Variants in EFHC1 observed in about 807,000 individuals in gnomAD.
The protein encoded by EFHC1 is EF-hand domain-containing protein 1.
In EFHC1, 53 loss-of-function variants were observed where a neutral mutation model predicts 69.9. That is an observed-to-expected ratio of 0.76 (90% confidence interval 0.61 to 0.95). The LOEUF (loss-of-function observed/expected upper bound fraction) is 0.95, where lower values mean the gene tolerates loss of function less well. EFHC1 is among the 40% of genes least tolerant of loss of function. The probability of loss-of-function intolerance (pLI) is 0.00; values close to 1 mark genes in which losing one functional copy is unlikely to be tolerated. For synonymous variants in EFHC1, 256 were observed against 278.4 expected (o/e 0.92, Z 0.80); for missense variants, 739 against 798.7 (o/e 0.93, Z 0.90).
intron 5 of EFHC1, among the ~76,000 whole-genome samples, chr6:52,458,419 A>G (rs1471198948): frequency 1.3e-5 from 2 of 152,238 alleles, no homozygotes; most frequent in Non-Finnish European, 2.9e-5. Flanking sequence ...ACAAATGTCT[A>G]ATATCCAGAA....
In EFHC1 at chr6:52,493,664, AAAG is replaced by A; in HGVS notation, c.*1324_*1326del. 1 of 453,546 alleles carries A rather than the reference AAAG, an allele frequency of 2.2e-6. No homozygotes were observed. Among genetic ancestry groups the A allele is most frequent in the East Asian group, 7.0e-5 (1 of 14,362 alleles). 28.1% of individuals were successfully genotyped at this position (453,546 alleles called of 1,614,324 possible). A position where few individuals can be genotyped will look rare whatever the true frequency, so the allele number is the denominator to read the frequency against. The stretch of plus-strand genomic sequence containing the variant: ...GAGCAAGACTCCATCTCAAAAAAAA[AAAG>A]GTTAGAAAAATGCTGCTTTTAGAGA... On this transcript the variant is annotated 3_prime_UTR_variant, in exon 11 of 11. Coordinates refer to ENST00000371068, the MANE Select transcript of EFHC1 (RefSeq NM_018100.4).
At chr6:52,457,230 A>G (rs967044600) in intron 5 of EFHC1, among the ~76,000 whole-genome samples, 1 of 152,248 alleles carries the variant, frequency 6.6e-6, no homozygotes, top group Non-Finnish European at 1.5e-5. Context: ...AAGTAATAAC[A>G]TGAGTATACC....
In EFHC1 at chr6:52,420,390, G is replaced by A. The variant is rs942990341; in HGVS notation, c.-21G>A. 6.2e-7 allele frequency: 1 copy of A among 1,614,248 alleles called. No homozygotes were observed. Among genetic ancestry groups the A allele is most frequent in the Non-Finnish European group, 8.5e-7 (1 of 1,180,032 alleles). ...GAGAGGACGAAGCAGGACCTAGGTG[G>A]CGGCGGTGGTACCGGCTGCAATGGT... On this transcript the variant is annotated 5_prime_UTR_variant, in exon 1 of 11. Coordinates refer to ENST00000371068, the MANE Select transcript of EFHC1 (RefSeq NM_018100.4).
At chr6:52,423,843 G>A in intron 1 of EFHC1, 103 bp from the exon 2 acceptor site, 1 of 1,550,134 alleles carries the variant, frequency 6.5e-7, no homozygotes, top group Admixed American at 1.9e-5. Context: ...GTTTTGTGAT[G>A]CTTATAAGCA....
At chr6:52,422,762 T>A (rs1472947586) in intron 1 of EFHC1, among the ~76,000 whole-genome samples, 1 of 152,162 alleles carries the variant, frequency 6.6e-6, no homozygotes, top group Non-Finnish European at 1.5e-5. Context: ...AATAAAAATG[T>A]GTTCATTGTA....
At chr6:52,453,566 GTTA>G (rs1764966231) in intron 4 of EFHC1, 44 of 1,254,418 alleles carry the variant, frequency 3.5e-5, no homozygotes, top group Non-Finnish European at 4.5e-5. Flanking sequence ...TCATATATCT[GTTA>G]TTATTTTGTA....
At chr6:52,428,183 T>TA (rs1469837533) in intron 2 of EFHC1, 2 of 152,184 alleles carry the variant, frequency 1.3e-5, no homozygotes, top group Non-Finnish European at 2.9e-5. Context: ...CCCACTACTT[T>TA]AAAAACAATT....
chr6:52,449,306 A>G (rs1252039820), intron 3 of EFHC1, among the ~76,000 whole-genome samples: 1 of 151,564 alleles, frequency 6.6e-6, no homozygotes, highest in Non-Finnish European at 1.5e-5. Flanking sequence ...GCGTGAACCC[A>G]GGAGACAGAG....
chr6:52,443,863 A>C (rs1037103049), intron 3 of EFHC1, among the ~76,000 whole-genome samples: 2 of 152,222 alleles, frequency 1.3e-5, no homozygotes, highest in African/African-American at 4.8e-5. Flanking sequence ...CATTGAGTCT[A>C]TAAATTACCT....
At chr6:52,492,210 A>G in intron 10 of EFHC1, 60 bp from the exon 11 acceptor site, 1 of 1,451,932 alleles carries the variant, frequency 6.9e-7, no homozygotes, top group South Asian at 1.1e-5. Context: ...CGCACTCTGC[A>G]GTTGAGCTGA....
chr6:52,469,263 A>T, intron 6 of EFHC1, 70 bp from the exon 7 acceptor site: 2 of 1,588,068 alleles, frequency 1.3e-6, no homozygotes, highest in Non-Finnish European at 1.7e-6. Context: ...CTTTAAACTT[A>T]TAGTTACCTT....
chr6:52,478,654 C>T (rs1468748647), intron 7 of EFHC1, among the ~76,000 whole-genome samples: 1 of 152,130 alleles, frequency 6.6e-6, no homozygotes, highest in African/African-American at 2.4e-5. Context: ...GAATGTAGCC[C>T]ACATATATGT....
Position 52,493,268 on chromosome 6 carries a change from G to T in EFHC1, c.*927G>T. On this transcript the variant is annotated 3_prime_UTR_variant, in exon 11 of 11. Coordinates refer to ENST00000371068, the MANE Select transcript of EFHC1 (RefSeq NM_018100.4). ...GGAATTATACCTTTAGCTCTCCTGG[G>T]TCTCCAGCTTGCCAATTTACCCTGC... 1 of 451,956 alleles carries T rather than the reference G, an allele frequency of 2.2e-6. No homozygotes were observed. The highest frequency in any genetic ancestry group is 4.4e-6 in the Non-Finnish European group (1 of 226,320). The allele number at this position is 451,956 out of a possible 1,614,324, so 28.0% of individuals were successfully genotyped here. A position where few individuals can be genotyped will look rare whatever the true frequency, so the allele number is the denominator to read the frequency against.
At chr6:52,454,506 C>G (rs1764996788) in intron 5 of EFHC1, among the ~76,000 whole-genome samples, 1 of 152,014 alleles carries the variant, frequency 6.6e-6, no homozygotes, top group South Asian at 2.1e-4. Flanking sequence ...GAAACAAAAC[C>G]AAAACAACAG....
intron 3 of EFHC1, 83 bp downstream of exon 3, chr6:52,438,674 G>A (rs1287885523): frequency 2.7e-6 from 4 of 1,459,238 alleles, no homozygotes; most frequent in African/African-American, 2.8e-5. Context: ...ATTAGGGTAA[G>A]GGGAGGACAT....
At chr6:52,468,152 C>T (rs1206147579) in intron 6 of EFHC1, among the ~76,000 whole-genome samples, 1 of 152,176 alleles carries the variant, frequency 6.6e-6, no homozygotes, top group Non-Finnish European at 1.5e-5. Flanking sequence ...ACTAGGAGAG[C>T]TAATCTGCTA....
intron 5 of EFHC1, among the ~76,000 whole-genome samples, chr6:52,456,335 A>G (rs1489664121): frequency 1.3e-5 from 2 of 152,196 alleles, no homozygotes; most frequent in Non-Finnish European, 2.9e-5. Flanking sequence ...TTGGCCTTTC[A>G]GAATGCTTAA....
intron 10 of EFHC1, chr6:52,490,892 C>G: frequency 6.2e-6 from 1 of 161,018 alleles, no homozygotes; most frequent in Admixed American, 5.9e-5. Context: ...CATGCCTTTT[C>G]TTCATTATAA....
At chr6:52,461,249 G>A (rs1431316010) in intron 5 of EFHC1, among the ~76,000 whole-genome samples, 1 of 152,030 alleles carries the variant, frequency 6.6e-6, no homozygotes, top group African/African-American at 2.4e-5. Flanking sequence ...AGACCCCAGT[G>A]TGTATTGTTC....
Sources: allele counts gnomAD v4.1 joint callset (sites outside exome capture counted in the v4.1 genomes callset), GRCh38; gene constraint gnomAD v4.1.1; transcripts MANE v1.5; gene names NCBI Gene and HGNC (gene_info 2026-07-23, HGNC 2026-07-21).